P2RX3: variants seen among roughly 807,000 people sequenced by gnomAD.
P2RX3 encodes the protein P2X purinoceptor 3.
P2RX3 carries 41 observed loss-of-function variants against 51.5 expected under a neutral mutation model. That is an observed-to-expected ratio of 0.80 (90% CI 0.62 to 1.03). The LOEUF (loss-of-function observed/expected upper bound fraction) is 1.03. Among genes scored for constraint, P2RX3 ranks in the 50% least tolerant of loss-of-function variants. The pLI, the probability that P2RX3 is intolerant of heterozygous loss-of-function variation, is 0.00. For missense variants in P2RX3, 459 were observed against 522.1 expected (o/e 0.88, Z 1.18); for synonymous variants, 185 against 191.6 (o/e 0.97, Z 0.29).
At chr11:57,337,289 CA>C (rs36169095), upstream of P2RX3, among the ~76,000 whole-genome samples, 3,177 of 26,734 alleles carry the variant, frequency 0.12, 31 homozygotes, top group Admixed American at 0.17. Context: ...GAGACTCTGT[CA>C]AAAAAAAAAA....
At chr11:57,337,659 C>T (rs2134399804), upstream of P2RX3, among the ~76,000 whole-genome samples, 1 of 152,162 alleles carries the variant, frequency 6.6e-6, no homozygotes, top group East Asian at 1.9e-4. Flanking sequence ...TCACACACAC[C>T]AGGGCCTGTC....
At position 57,369,351 on chromosome 11, in the gene P2RX3, C is replaced by A. The variant is rs77399385; in HGVS notation, c.1003-10C>A. 2.7e-3 allele frequency: 4,346 copies of A among 1,608,628 alleles called. 126 individuals carry two copies. The African/African-American group carries it at 0.051, about 19-fold the overall frequency. Reference sequence around the variant, plus strand: ...ACCCCTCGGAGCCCGCCCTGCCTCTCCTCCTCCAGGGAACTGTTCTCTGTG... The same window carrying A: ...ACCCCTCGGAGCCCGCCCTGCCTCTACTCCTCCAGGGAACTGTTCTCTGTG... On this transcript the variant is annotated splice_polypyrimidine_tract_variant and intron_variant, in intron 10 of 11. Transcript: ENST00000263314.
intron 1 of P2RX3, among the ~76,000 whole-genome samples, chr11:57,344,067 G>A (rs1309769894): frequency 6.6e-5 from 10 of 152,222 alleles, no homozygotes; most frequent in Non-Finnish European, 2.9e-5. Context: ...AGATAAAGCA[G>A]CACCACAAAG....
At chr11:57,363,500 A>G (rs995634744) in intron 8 of P2RX3, among the ~76,000 whole-genome samples, 3 of 152,116 alleles carry the variant, frequency 2.0e-5, no homozygotes, top group African/African-American at 7.2e-5. Flanking sequence ...CTGACTCCTG[A>G]GCAACTGGCC....
chr11:57,365,640 G>A (rs912470389), intron 8 of P2RX3, among the ~76,000 whole-genome samples: 1 of 152,184 alleles, frequency 6.6e-6, no homozygotes, highest in Non-Finnish European at 1.5e-5. Flanking sequence ...TTCTAGCAGG[G>A]CATGAGCACA....
At chr11:57,364,493 C>A (rs1856768602) in intron 8 of P2RX3, among the ~76,000 whole-genome samples, 1 of 152,178 alleles carries the variant, frequency 6.6e-6, no homozygotes, top group Non-Finnish European at 1.5e-5. Context: ...TATTAAGGAA[C>A]TTCCTATATT....
intron 8 of P2RX3, among the ~76,000 whole-genome samples, chr11:57,357,045 G>A (rs1310929752): frequency 6.6e-6 from 1 of 152,198 alleles, no homozygotes; most frequent in Admixed American, 6.5e-5. Flanking sequence ...GCCAGGTGTG[G>A]TGGCTCACAC....
chr11:57,368,570 G>A, intron 10 of P2RX3, 133 bp downstream of exon 10: 2 of 983,706 alleles, frequency 2.0e-6, no homozygotes, highest in Admixed American at 4.1e-5. Flanking sequence ...CACTTGCTAG[G>A]TGCTTCAGTC....
chr11:57,342,542 G>T (rs12800182), intron 1 of P2RX3, among the ~76,000 whole-genome samples: 1 of 151,946 alleles, frequency 6.6e-6, no homozygotes, highest in Non-Finnish European at 1.5e-5. Context: ...AATATGGAAC[G>T]TAGAGCACTT....
chr11:57,344,489 AG>A (rs1214632885), intron 1 of P2RX3, among the ~76,000 whole-genome samples: 1 of 152,162 alleles, frequency 6.6e-6, no homozygotes, highest in Non-Finnish European at 1.5e-5. Context: ...ACTTGAGGCC[AG>A]GAGTTTGAGA....
Position 57,338,440 on chromosome 11 carries a change from T to C in P2RX3, c.-111T>C. The C allele has an allele frequency of 1.5e-6, 1 of 647,558 alleles. No homozygotes were observed. 40.1% of individuals were successfully genotyped at this position (647,558 alleles called of 1,614,324 possible). On this transcript the variant is annotated 5_prime_UTR_variant, in exon 1 of 12. Transcript: ENST00000263314. ...ACAGGCTCCCCATTCCTCCAACCCC[T>C]CTAAGCTGCCCCCTCCAGGTCGTGA...
Position 57,368,375 on chromosome 11 carries a change from G to A in P2RX3, c.940G>A (p.Gly314Ser). ...GCCTTGGTCTTTGTGCACACAGGCT[G>A]GCAAGTTCAACATCATCCCCACCAT... Reference protein sequence around the residue: ...RFDVLVYGNAGKFNIIPTIIS... With the variant: ...RFDVLVYGNASKFNIIPTIIS... Residue 314 changes from glycine (G) to serine (S), a missense_variant, in exon 10 of 12, where the codon GGC (glycine) becomes AGC (serine). Gly to Ser is a moderately conservative substitution (Grantham distance 56, BLOSUM62 0). Transcript: ENST00000263314. 1.2e-6 allele frequency: 2 copies of A among 1,614,098 alleles called. No homozygotes were observed. The highest frequency in any genetic ancestry group is 8.5e-7 in the Non-Finnish European group (1 of 1,180,016).
In P2RX3 at chr11:57,371,897, C is replaced by A. The variant is rs572762468; in HGVS notation, c.*1900C>A. On this transcript the variant is annotated 3_prime_UTR_variant, in exon 12 of 12. Coordinates refer to ENST00000263314, the MANE Select transcript of P2RX3 (RefSeq NM_002559.5). ...TGGTGTCCTGAAGGGACCCTCCCCCCCAACCCCTCCCTTTTACCCAGATGG... is the reference window on the plus strand; with the variant it reads ...TGGTGTCCTGAAGGGACCCTCCCCCACAACCCCTCCCTTTTACCCAGATGG... Among the ~76,000 whole-genome samples, 10 of 152,282 alleles carry A rather than the reference C, an allele frequency of 6.6e-5. No homozygotes were observed. Among genetic ancestry groups the A allele is most frequent in the African/African-American group, 2.2e-4 (9 of 41,558 alleles).
chr11:57,365,834 C>G (rs1336528454), intron 8 of P2RX3, among the ~76,000 whole-genome samples: 1 of 152,248 alleles, frequency 6.6e-6, no homozygotes, highest in African/African-American at 2.4e-5. Context: ...TTATCTTCCT[C>G]CCATGCCTGT....
rs771408677 is a variant in P2RX3, at chr11:57,346,626, G to A, written c.202G>A (p.Gly68Arg). ...SSVVTKVKGSGLYANRVMDVS... is the reference protein window; with the variant it reads ...SSVVTKVKGSRLYANRVMDVS... Reference sequence around the variant, plus strand: ...GGTGGTAACCAAGGTGAAGGGCTCCGGACTCTACGCCAACAGAGTCATGGA... The same window carrying A: ...GGTGGTAACCAAGGTGAAGGGCTCCAGACTCTACGCCAACAGAGTCATGGA... The change falls in exon 2 of 12, where the codon GGA becomes AGA. Residue 68 changes from glycine (G) to arginine (R), a missense_variant. Transcript: ENST00000263314. 3.0e-5 allele frequency: 49 copies of A among 1,614,160 alleles called. No individual in the cohort carries two copies. Among genetic ancestry groups the A allele is most frequent in the South Asian group, 5.5e-5 (5 of 91,078 alleles).
upstream of P2RX3, among the ~76,000 whole-genome samples, chr11:57,337,125 C>G (rs1374220951): frequency 6.6e-6 from 1 of 151,776 alleles, no homozygotes; most frequent in African/African-American, 2.4e-5. Flanking sequence ...AGCCCCGTCT[C>G]TATTAAAAAT....
At chr11:57,343,244 G>A (rs1856374244) in intron 1 of P2RX3, among the ~76,000 whole-genome samples, 1 of 152,212 alleles carries the variant, frequency 6.6e-6, no homozygotes, top group African/African-American at 2.4e-5. Flanking sequence ...ACAAGAAGGA[G>A]CCTTGAAGGA....
At chr11:57,341,824 G>A (rs1334525277) in intron 1 of P2RX3, among the ~76,000 whole-genome samples, 1 of 152,024 alleles carries the variant, frequency 6.6e-6, no homozygotes, top group Non-Finnish European at 1.5e-5. Flanking sequence ...TGGAGCCTCT[G>A]ACCCCACCAC....
chr11:57,353,848 C>G (rs1565067625), intron 8 of P2RX3, among the ~76,000 whole-genome samples: 2 of 126,392 alleles, frequency 1.6e-5, no homozygotes, highest in South Asian at 2.6e-4. Context: ...CCCCCCCCCC[C>G]GCCCCTATTT....
Sources: allele counts gnomAD v4.1 joint callset (sites outside exome capture counted in the v4.1 genomes callset), GRCh38; gene constraint gnomAD v4.1.1; transcripts MANE v1.5; gene names NCBI Gene and HGNC (gene_info 2026-07-23, HGNC 2026-07-21).